The following ATP8A1 variants were observed in gnomAD, a reference collection of about 807,000 sequenced individuals.
ATP8A1 encodes ATPase phospholipid transporting 8A1.
ATP8A1 carries 90 observed loss-of-function variants against 177.7 expected under a neutral mutation model. That is an observed-to-expected ratio of 0.51 (90% CI 0.43 to 0.60). The LOEUF is 0.60. Ranked by LOEUF, ATP8A1 falls within the 20% of genes least tolerant of loss-of-function variation. The pLI, the probability that ATP8A1 is intolerant of heterozygous loss-of-function variation, is 0.00. For synonymous variants in ATP8A1, 493 were observed against 485.9 expected, an observed-to-expected ratio of 1.01 and a Z score of -0.19; for missense variants, 1,072 against 1,392.8, an observed-to-expected ratio of 0.77 and a Z score of 3.67.
chr4:42,495,114 T>A (rs1232586688), intron 24 of ATP8A1, among the ~76,000 whole-genome samples: 1 of 152,258 alleles, frequency 6.6e-6, no homozygotes, highest in Non-Finnish European at 1.5e-5. Context: ...CTCCACCTCA[T>A]CATCATTTAA....
At chr4:42,544,900 G>T (rs758020649) in intron 19 of ATP8A1, among the ~76,000 whole-genome samples, 9 of 152,148 alleles carry the variant, frequency 5.9e-5, no homozygotes, top group Non-Finnish European at 1.0e-4. Context: ...GGTGGCTCAT[G>T]CCTGTAATTC....
At chr4:42,469,455 A>T (rs1214882451) in intron 25 of ATP8A1, among the ~76,000 whole-genome samples, 1 of 152,210 alleles carries the variant, frequency 6.6e-6, no homozygotes, top group African/African-American at 2.4e-5. Context: ...AGCTGAAGTC[A>T]GTAAAAAAGA....
At position 42,588,729 on chromosome 4, in the gene ATP8A1, C is replaced by G. The variant is rs77309729; in HGVS notation, c.525-400G>C. 2.1e-3 allele frequency: 319 copies of G among 154,978 alleles called. 7 individuals are homozygous for G. The East Asian group carries it at 0.054, about 26-fold the overall frequency. 9.6% of individuals were successfully genotyped at this position (154,978 alleles called of 1,614,324 possible). A position where few individuals can be genotyped will look rare whatever the true frequency, so the allele number is the denominator to read the frequency against. On this transcript the variant is annotated intron_variant, in intron 7 of 36. Transcript: ENST00000381668. ...CACATGAGATTTCATGCTCATGGCA[C>G]GCATGTAAATTGGTTAAGAAAGTGG...
intron 15 of ATP8A1, among the ~76,000 whole-genome samples, chr4:42,568,704 C>T (rs1213425147): frequency 1.3e-5 from 2 of 152,200 alleles, no homozygotes; most frequent in Non-Finnish European, 2.9e-5. Flanking sequence ...AGCCTGCACA[C>T]AGACTTATTA....
chr4:42,432,526 G>A (rs986205223), intron 33 of ATP8A1, among the ~76,000 whole-genome samples: 2 of 152,202 alleles, frequency 1.3e-5, no homozygotes, highest in Non-Finnish European at 2.9e-5. Context: ...GGACACTGCA[G>A]AGGTCATAAA....
At position 42,412,489 on chromosome 4, in the gene ATP8A1, C is replaced by A. The variant is rs763586212; in HGVS notation, c.*427G>T. 52 of 152,824 alleles carry A rather than the reference C, an allele frequency of 3.4e-4. No homozygotes were observed. Among genetic ancestry groups the A allele is most frequent in the Non-Finnish European group, 6.6e-4 (45 of 68,542 alleles). The allele number at this position is 152,824 out of a possible 1,614,324, so 9.5% of individuals were successfully genotyped here. A position where few individuals can be genotyped will look rare whatever the true frequency, so the allele number is the denominator to read the frequency against. Reference sequence around the variant, plus strand: ...AGAATGCTGGTTTGTTTCAGCATATCCTGAAATCTAAGTCTGGATACCAAG... The same window carrying A: ...AGAATGCTGGTTTGTTTCAGCATATACTGAAATCTAAGTCTGGATACCAAG... On this transcript the variant is annotated 3_prime_UTR_variant, in exon 37 of 37. Coordinates refer to ENST00000381668, the MANE Select transcript of ATP8A1 (RefSeq NM_006095.2).
chr4:42,459,851 G>A (rs1316391019), intron 27 of ATP8A1, among the ~76,000 whole-genome samples: 2 of 151,614 alleles, frequency 1.3e-5, no homozygotes, highest in East Asian at 1.9e-4. Context: ...GTGCAATGGC[G>A]CGTGGTCTCT....
chr4:42,531,666 A>C (rs10021274), intron 20 of ATP8A1, among the ~76,000 whole-genome samples: 3,010 of 152,306 alleles, frequency 0.02, 81 homozygotes, highest in African/African-American at 0.068. Context: ...TCTGCAAAAA[A>C]CTGAAGACTC....
intron 33 of ATP8A1, among the ~76,000 whole-genome samples, chr4:42,442,857 A>T (rs1425241037): frequency 6.6e-6 from 1 of 152,218 alleles, no homozygotes; most frequent in East Asian, 1.9e-4. Flanking sequence ...GGTCACAGGA[A>T]ATCCCAAAAT....
chr4:42,475,583 C>CA (rs1720973542), intron 25 of ATP8A1, among the ~76,000 whole-genome samples: 1 of 150,348 alleles, frequency 6.7e-6, no homozygotes, highest in South Asian at 2.1e-4. Flanking sequence ...TACTGTCAGG[C>CA]AAAATATATA....
At chr4:42,586,226 A>G in intron 9 of ATP8A1, 123 bp downstream of exon 9, 1 of 1,122,010 alleles carries the variant, frequency 8.9e-7, no homozygotes, top group Middle Eastern at 2.1e-4. Context: ...AAATGCTTTA[A>G]AAAGGGTTTT....
intron 6 of ATP8A1, among the ~76,000 whole-genome samples, chr4:42,596,582 G>T (rs967868601): frequency 6.8e-6 from 1 of 147,446 alleles, no homozygotes; most frequent in Non-Finnish European, 1.5e-5. Flanking sequence ...CAGGAGAAAC[G>T]TTTGAACCCA....
At chr4:42,570,221 C>T (rs760705971) in intron 14 of ATP8A1, among the ~76,000 whole-genome samples, 2 of 152,182 alleles carry the variant, frequency 1.3e-5, no homozygotes, top group Admixed American at 6.5e-5. Context: ...CACTATATCA[C>T]TCCAATCACA....
intron 15 of ATP8A1, among the ~76,000 whole-genome samples, chr4:42,564,569 T>C (rs963651106): frequency 7.2e-5 from 11 of 152,338 alleles, no homozygotes; most frequent in South Asian, 4.1e-4. Flanking sequence ...GTGGGGCCTG[T>C]AGCTCCTTTG....
chr4:42,453,457 A>G (rs1274535155), intron 29 of ATP8A1, among the ~76,000 whole-genome samples: 1 of 152,204 alleles, frequency 6.6e-6, no homozygotes, highest in Non-Finnish European at 1.5e-5. Context: ...TGTATAACCC[A>G]TTTGGGTTGA....
intron 10 of ATP8A1, 22 bp from the exon 11 acceptor site, chr4:42,580,000 G>A (rs1342508374): frequency 1.9e-6 from 3 of 1,557,676 alleles, no homozygotes; most frequent in African/African-American, 2.7e-5. Context: ...AACAAGATGA[G>A]TAATAAAAAA....
intron 1 of ATP8A1, among the ~76,000 whole-genome samples, chr4:42,650,465 G>A (rs369081715): frequency 1.3e-5 from 2 of 152,292 alleles, no homozygotes; most frequent in Non-Finnish European, 1.5e-5. Flanking sequence ...TGCATAATAA[G>A]TGGTTTTTAA....
At chr4:42,462,508 A>C (rs1719283622) in intron 27 of ATP8A1, among the ~76,000 whole-genome samples, 1 of 152,258 alleles carries the variant, frequency 6.6e-6, no homozygotes, top group African/African-American at 2.4e-5. Context: ...ACAAAAGTCA[A>C]GAACTGGGGT....
At chr4:42,601,033 CTTTTTTT>C (rs36117571) in intron 5 of ATP8A1, among the ~76,000 whole-genome samples, 1 of 102,430 alleles carries the variant, frequency 9.8e-6, no homozygotes, top group Admixed American at 1.2e-4. Context: ...CCCAAATTTT[CTTTTTTT>C]TTTTTTTTTT....
Sources: gnomAD v4.1 joint callset for allele counts (sites outside exome capture counted in the v4.1 genomes callset) on GRCh38, gnomAD v4.1.1 for gene constraint, MANE v1.5 for transcripts, NCBI Gene and HGNC (gene_info 2026-07-23, HGNC 2026-07-21) for gene names.